Variants in RELN observed in about 807,000 individuals in gnomAD.
The protein encoded by RELN is reelin.
RELN carries 108 observed loss-of-function variants against 427.6 expected under a neutral mutation model. The ratio of observed to expected loss-of-function variants is 0.25; its 90% CI spans 0.22 to 0.30. The LOEUF (loss-of-function observed/expected upper bound fraction) is 0.30, where lower values mean the gene tolerates loss of function less well. RELN is among the 10% of genes least tolerant of loss of function. The pLI, the probability that RELN is intolerant of heterozygous loss-of-function variation, is 1.00. For synonymous variants in RELN, 1,524 were observed against 1,513.4 expected, an observed-to-expected ratio of 1.01 and a Z score of -0.16; for missense variants, 3,715 against 4,302.8, an observed-to-expected ratio of 0.86 and a Z score of 3.82.
chr7:103,639,530 G>C (rs1249521686), intron 17 of RELN, among the ~76,000 whole-genome samples: 1 of 151,502 alleles, frequency 6.6e-6, no homozygotes, highest in Non-Finnish European at 1.5e-5. Context: ...CTCCCGAGTA[G>C]CTGGGATTAC....
chr7:103,970,932 G>T (rs1345034361), intron 1 of RELN, among the ~76,000 whole-genome samples: 1 of 152,112 alleles, frequency 6.6e-6, no homozygotes, highest in Non-Finnish European at 1.5e-5. Context: ...GAGGCGGGTG[G>T]ATCACCTGAG....
At chr7:103,973,327 A>G (rs760113011) in intron 1 of RELN, among the ~76,000 whole-genome samples, 7 of 152,244 alleles carry the variant, frequency 4.6e-5, no homozygotes, top group Admixed American at 3.3e-4. Context: ...AGATAAGCCC[A>G]CTAACAATGC....
chr7:103,726,467 C>A (rs1790214862), intron 7 of RELN, among the ~76,000 whole-genome samples: 1 of 151,898 alleles, frequency 6.6e-6, no homozygotes, highest in Non-Finnish European at 1.5e-5. Context: ...AAGGCTAATC[C>A]CACATTAATT....
intron 8 of RELN, among the ~76,000 whole-genome samples, chr7:103,708,462 C>CTTTTTTTTTTTTTTTT (rs1562965678): frequency 1.0e-5 from 1 of 96,878 alleles, no homozygotes; most frequent in African/African-American, 6.5e-5. Context: ...GTGGGTATGA[C>CTTTTTTTTTTTTTTTT]TCTTTTTTTT....
chr7:103,916,327 A>G (rs10245317), intron 2 of RELN, among the ~76,000 whole-genome samples: 38,491 of 152,212 alleles, frequency 0.25, 5,966 homozygotes, highest in African/African-American at 0.43. Flanking sequence ...TCACATCTAT[A>G]GATGAAGTCC....
intron 1 of RELN, among the ~76,000 whole-genome samples, chr7:103,951,269 A>G (rs574046624): frequency 1.3e-5 from 2 of 152,364 alleles, no homozygotes; most frequent in South Asian, 2.1e-4. Context: ...CAATCTATAA[A>G]CAAATCACAT....
intron 2 of RELN, among the ~76,000 whole-genome samples, chr7:103,878,275 T>C (rs1794530139): frequency 6.6e-6 from 1 of 152,188 alleles, no homozygotes; most frequent in Non-Finnish European, 1.5e-5. Flanking sequence ...CCTCCTAATG[T>C]AGGATTTGTT....
At chr7:103,974,746 A>C (rs1011602738) in intron 1 of RELN, among the ~76,000 whole-genome samples, 1 of 152,186 alleles carries the variant, frequency 6.6e-6, no homozygotes, top group Admixed American at 6.5e-5. Context: ...TAAGGTTATT[A>C]CATATCTGTT....
intron 37 of RELN, 55 bp from the exon 38 acceptor site, chr7:103,557,214 G>T: frequency 1.4e-6 from 2 of 1,422,918 alleles, no homozygotes; most frequent in Non-Finnish European, 2.0e-6. Context: ...TGGGGAAATG[G>T]TATGTTCTTA....
At chr7:103,950,927 CATT>C (rs1218543835) in intron 1 of RELN, among the ~76,000 whole-genome samples, 2 of 152,026 alleles carry the variant, frequency 1.3e-5, no homozygotes, top group Admixed American at 1.3e-4. Flanking sequence ...TGTTTTTTGA[CATT>C]GTTGTTGTTG....
chr7:103,886,691 A>G (rs1333065071), intron 2 of RELN, among the ~76,000 whole-genome samples: 1 of 152,240 alleles, frequency 6.6e-6, no homozygotes, highest in Non-Finnish European at 1.5e-5. Flanking sequence ...AACAATTGTG[A>G]TAACAATTAA....
At chr7:103,712,025 C>T (rs1789814225) in intron 8 of RELN, among the ~76,000 whole-genome samples, 1 of 152,056 alleles carries the variant, frequency 6.6e-6, no homozygotes, top group South Asian at 2.1e-4. Context: ...CTCATTAAAC[C>T]TCAGGGACTC....
At chr7:103,487,671 G>A (rs1335058144) in intron 60 of RELN, among the ~76,000 whole-genome samples, 1 of 152,118 alleles carries the variant, frequency 6.6e-6, no homozygotes, top group Non-Finnish European at 1.5e-5. Flanking sequence ...GTTTACCAAT[G>A]GTGGGTCTCA....
intron 42 of RELN, among the ~76,000 whole-genome samples, chr7:103,543,465 A>C (rs1295689598): frequency 6.6e-6 from 1 of 151,978 alleles, no homozygotes. Context: ...GGCCAACATG[A>C]CAAAACCCTG....
At chr7:103,690,398 A>G (rs1364057706) in intron 10 of RELN, among the ~76,000 whole-genome samples, 1 of 152,098 alleles carries the variant, frequency 6.6e-6, no homozygotes, top group African/African-American at 2.4e-5. Context: ...ACAGGGAGGA[A>G]GAATGTGCCT....
At chr7:103,572,388 T>C in intron 30 of RELN, 128 bp from the exon 31 acceptor site, 1 of 657,514 alleles carries the variant, frequency 1.5e-6, no homozygotes. Context: ...TCAAAGGGCA[T>C]ATGAGAAGCA....
rs923801511 is a variant in RELN at position 103,662,725 on chromosome 7, A to G, written c.1290-1198T>C. Among the ~76,000 whole-genome samples, 20 of 152,028 alleles carry G rather than the reference A, an allele frequency of 1.3e-4. 1 individual carries two copies. Among genetic ancestry groups the G allele is most frequent in the African/African-American group, 4.8e-4 (20 of 41,398 alleles). ...TGTGTTAGGGGAGAGTAAAAAATAC[A>G]TTTGAATAGTACAGTGGAACAAATC... On this transcript the variant is annotated intron_variant, in intron 11 of 64. Coordinates refer to ENST00000428762, the MANE Select transcript of RELN (RefSeq NM_005045.4).
At chr7:103,864,983 T>G (rs1352046095) in intron 2 of RELN, among the ~76,000 whole-genome samples, 1 of 151,480 alleles carries the variant, frequency 6.6e-6, no homozygotes, top group Admixed American at 6.6e-5. Flanking sequence ...ATATAAAAAT[T>G]AGCCAGGCAT....
At chr7:103,685,368 T>A (rs1362590667) in intron 10 of RELN, among the ~76,000 whole-genome samples, 2 of 152,194 alleles carry the variant, frequency 1.3e-5, no homozygotes, top group African/African-American at 4.8e-5. Flanking sequence ...GAGCTCTTGA[T>A]ATGAAAAAAA....
Sources: allele counts gnomAD v4.1 joint callset (sites outside exome capture counted in the v4.1 genomes callset), GRCh38; gene constraint gnomAD v4.1.1; transcripts MANE v1.5; gene names NCBI Gene and HGNC (gene_info 2026-07-23, HGNC 2026-07-21).